Variants in FAM8A1 observed in about 807,000 individuals in gnomAD.
FAM8A1 encodes family with sequence similarity 8 member A1.
FAM8A1 carries 18 observed loss-of-function variants against 38.3 expected under a neutral mutation model. That is an observed-to-expected ratio of 0.47 (90% CI 0.33 to 0.70). FAM8A1 has a LOEUF of 0.70. Ranked by LOEUF, FAM8A1 falls within the 30% of genes least tolerant of loss-of-function variation. The probability of loss-of-function intolerance (pLI) is 0.03; values close to 1 mark genes in which losing one functional copy is unlikely to be tolerated. For missense variants in FAM8A1, 559 were observed against 559.6 expected (o/e 1.00, Z 0.01); for synonymous variants, 246 against 234.4 (o/e 1.05, Z -0.45).
chr6:17,601,205 G>GTA, intron 1 of FAM8A1, 84 bp downstream of exon 1: 1 of 1,478,296 alleles, frequency 6.8e-7, no homozygotes, highest in Non-Finnish European at 9.1e-7. Context: ...TTTTAGACCT[G>GTA]TAACTGCTGC....
intron 1 of FAM8A1, among the ~76,000 whole-genome samples, chr6:17,602,348 A>T (rs1763996299): frequency 6.6e-6 from 1 of 152,124 alleles, no homozygotes; most frequent in African/African-American, 2.4e-5. Flanking sequence ...TGTGAAATCA[A>T]TTTTTAAACG....
chr6:17,600,866 T>C lies in FAM8A1; in HGVS notation c.457T>C (p.Ser153Pro). The C allele has an allele frequency of 1.2e-6, 2 of 1,607,200 alleles. No homozygotes were observed. Among genetic ancestry groups the C allele is most frequent in the Non-Finnish European group, 1.7e-6 (2 of 1,178,764 alleles). ...SPQPSPQSFPSGGAAVPQAAA... is the reference protein window; with the variant it reads ...SPQPSPQSFPPGGAAVPQAAA... The stretch of plus-strand genomic sequence containing the variant: ...CCAGCCCTCCCCGCAGAGCTTCCCT[T>C]CGGGCGGCGCTGCAGTCCCCCAGGC... The change falls in exon 1 of 5, where the codon TCG (serine) becomes CCG (proline). Residue 153 changes from serine (S) to proline (P), a missense_variant. Physicochemically the swap from Ser to Pro is moderately conservative, Grantham distance 74. Coordinates refer to ENST00000259963, the MANE Select transcript of FAM8A1 (RefSeq NM_016255.3).
Position 17,608,739 on chromosome 6 carries a change from A to T in FAM8A1, c.*400A>T, listed in dbSNP as rs758845415. 3.9e-5 allele frequency: 6 copies of T among 153,648 alleles called. No homozygotes were observed. Among genetic ancestry groups the T allele is most frequent in the African/African-American group, 1.4e-4 (6 of 41,524 alleles). 9.5% of individuals were successfully genotyped at this position (153,648 alleles called of 1,614,324 possible). On this transcript the variant is annotated 3_prime_UTR_variant, in exon 5 of 5. Coordinates refer to ENST00000259963, the MANE Select transcript of FAM8A1 (RefSeq NM_016255.3). ...GTCCAGTTGTGTTTTGTAAACACCT[A>T]TGTAACTCATCTTTTAGTTTACACT... is the stretch of plus-strand genomic sequence containing the variant.
rs751216253 is a variant in FAM8A1 at position 17,602,653 on chromosome 6, T to C, written c.776T>C (p.Ile259Thr). The C allele has an allele frequency of 7.4e-6, 12 of 1,613,722 alleles. No homozygotes were observed. The highest frequency in any genetic ancestry group is 9.3e-6 in the Non-Finnish European group (11 of 1,179,852). The change falls in exon 2 of 5, where the codon ATT (isoleucine) becomes ACT (threonine). Residue 259 changes from isoleucine (I) to threonine (T), a missense_variant. Ile to Thr is a moderately conservative substitution (Grantham distance 89, BLOSUM62 -1). Around this residue, in one of 2 missense-constraint regions of FAM8A1, gnomAD observed 166 missense variants for 220.8 expected, o/e 0.75. Transcript: ENST00000259963. ...RFMAEMVDFF[I>T]LFFIKATIVL... Reference sequence around the variant, plus strand: ...ATGGCAGAGATGGTGGATTTCTTTATTCTCTTCTTTATAAAAGCAACCATT... The same window carrying C: ...ATGGCAGAGATGGTGGATTTCTTTACTCTCTTCTTTATAAAAGCAACCATT...
At chr6:17,607,302 C>T (rs1217912145) in intron 4 of FAM8A1, among the ~76,000 whole-genome samples, 4 of 150,766 alleles carry the variant, frequency 2.7e-5, no homozygotes, top group African/African-American at 9.8e-5. Context: ...TATAAACCTA[C>T]CTACTTCTTT....
Position 17,600,374 on chromosome 6 carries a change from G to C in FAM8A1, c.-36G>C. On this transcript the variant is annotated 5_prime_UTR_variant, in exon 1 of 5. Transcript: ENST00000259963. The stretch of plus-strand genomic sequence containing the variant: ...GCCATTGGGGGAGGGAAACGGAGCA[G>C]TGACAGGTATCCCAGAGGGTGCTGC... 7.4e-7 allele frequency: 1 copy of C among 1,358,048 alleles called. No individual in the cohort carries two copies. Among genetic ancestry groups the C allele is most frequent in the South Asian group, 1.8e-5 (1 of 54,324 alleles). 84.1% of individuals were successfully genotyped at this position (1,358,048 alleles called of 1,614,324 possible). A position where few individuals can be genotyped will look rare whatever the true frequency, so the allele number is the denominator to read the frequency against.
Position 17,611,276 on chromosome 6 carries a change from T to G in FAM8A1, c.*2937T>G, listed in dbSNP as rs969667337. 1 of 152,518 alleles carries G rather than the reference T, an allele frequency of 6.6e-6. No homozygotes were observed. Among genetic ancestry groups the G allele is most frequent in the African/African-American group, 2.4e-5 (1 of 41,454 alleles). The allele number at this position is 152,518 out of a possible 1,614,324, so 9.4% of individuals were successfully genotyped here. A position where few individuals can be genotyped will look rare whatever the true frequency, so the allele number is the denominator to read the frequency against. ...GTGACTTGAGTGTTTTAGTTATGCA[T>G]AAGTATTTCTAGCAAAGGAAGGGTA... On this transcript the variant is annotated 3_prime_UTR_variant, in exon 5 of 5. Transcript: ENST00000259963.
rs753126315 is a variant in FAM8A1, at chr6:17,600,942, T to G, written c.533T>G (p.Leu178Arg). Residue 178 changes from leucine (L) to arginine (R), a missense_variant, in exon 1 of 5, where the codon CTG becomes CGG. Around this residue, in one of 2 missense-constraint regions of FAM8A1, gnomAD observed 393 missense variants for 338.9 expected, o/e 1.16. Transcript: ENST00000259963. ...GGCTATTACAACCCCTTCTACTTCC[T>G]GAGCCCCGGGGCCGCGGGGCCTGAC... The part of the protein sequence containing the change: ...QLGYYNPFYF[L>R]SPGAAGPDPR... 6.3e-7 allele frequency: 1 copy of G among 1,592,590 alleles called. No individual in the cohort carries two copies. The highest frequency in any genetic ancestry group is 1.1e-5 in the South Asian group (1 of 89,568).
chr6:17,610,835 C>T lies in FAM8A1; in HGVS notation c.*2496C>T, dbSNP rs1478450833. ...CAATGAGCATGTCCCTAAGATAAAC[C>T]AGAATTGGCAGTTAATTTAGGCGTC... On this transcript the variant is annotated 3_prime_UTR_variant, in exon 5 of 5. Transcript: ENST00000259963. 6.6e-6 allele frequency: 1 copy of T among 151,998 alleles called. No homozygotes were observed. The highest frequency in any genetic ancestry group is 1.5e-5 in the Non-Finnish European group (1 of 67,964). The allele number at this position is 151,998 out of a possible 1,614,324, so 9.4% of individuals were successfully genotyped here.
rs1024067696 is a variant in FAM8A1 at position 17,610,681 on chromosome 6, G to A, written c.*2342G>A. 1 of 152,144 alleles carries A rather than the reference G, an allele frequency of 6.6e-6. No homozygotes were observed. Among genetic ancestry groups the A allele is most frequent in the African/African-American group, 2.4e-5 (1 of 41,438 alleles). The allele number at this position is 152,144 out of a possible 1,614,324, so 9.4% of individuals were successfully genotyped here. On this transcript the variant is annotated 3_prime_UTR_variant, in exon 5 of 5. Transcript: ENST00000259963. ...TATAGACCTGATTTTCTGTGTCAAA[G>A]TATAATTCTCATGCTGAAGCTGTAG... is the stretch of plus-strand genomic sequence containing the variant.
At position 17,605,749 on chromosome 6, in the gene FAM8A1, T is replaced by G. The variant is rs556371384; in HGVS notation, c.958-125T>G. 2.0e-5 allele frequency: 18 copies of G among 891,862 alleles called. No individual in the cohort carries two copies. In the Admixed American group the frequency reaches 3.6e-4, roughly 18 times the overall value. The allele number at this position is 891,862 out of a possible 1,614,324, so 55.2% of individuals were successfully genotyped here. A position where few individuals can be genotyped will look rare whatever the true frequency, so the allele number is the denominator to read the frequency against. On this transcript the variant is annotated intron_variant, in intron 3 of 4. Transcript: ENST00000259963. Reference sequence around the variant, plus strand: ...TGCATAAAGTTAAATGGTTAACTTTTGAGTATTCTATGCAATTCTTTCAAC... The same window carrying G: ...TGCATAAAGTTAAATGGTTAACTTTGGAGTATTCTATGCAATTCTTTCAAC...
In FAM8A1 at chr6:17,608,417, AT is replaced by A; in HGVS notation, c.*80del. On this transcript the variant is annotated 3_prime_UTR_variant, in exon 5 of 5. Transcript: ENST00000259963. ...CCATCAGTATCCCTGGGTTACACTA[AT>A]TGATGATTTAGAAATTAAAGCAGTC... 6.8e-7 allele frequency: 1 copy of A among 1,473,290 alleles called. No homozygotes were observed. Among genetic ancestry groups the A allele is most frequent in the African/African-American group, 1.4e-5 (1 of 70,528 alleles). The allele number at this position is 1,473,290 out of a possible 1,614,324, so 91.3% of individuals were successfully genotyped here. A position where few individuals can be genotyped will look rare whatever the true frequency, so the allele number is the denominator to read the frequency against.
chr6:17,607,451 G>A (rs1581641942), intron 4 of FAM8A1, among the ~76,000 whole-genome samples: 1 of 37,666 alleles, frequency 2.7e-5, no homozygotes, highest in Non-Finnish European at 6.5e-5. Flanking sequence ...AGTATCATAA[G>A]ATACTATAGG....
Position 17,600,814 on chromosome 6 carries a change from G to A in FAM8A1, c.405G>A (p.Leu135=), listed in dbSNP as rs1357821025. 4 of 1,610,824 alleles carry A rather than the reference G, an allele frequency of 2.5e-6. No homozygotes were observed. The highest frequency in any genetic ancestry group is 3.4e-6 in the Non-Finnish European group (4 of 1,179,682). ...GCTACCTCACCTGGCACAGCGGCCT[G>A]GCCGCCTTCCCAGCCTACTGCAGCC... The part of the protein sequence containing the change: ...YCGYLTWHSG[L]AAFPAYCSPQ... Residue 135 remains leucine, a synonymous_variant, in exon 1 of 5, where the codon CTG becomes CTA. Coordinates refer to ENST00000259963, the MANE Select transcript of FAM8A1 (RefSeq NM_016255.3).
At position 17,601,117 on chromosome 6, in the gene FAM8A1, G is replaced by A. The variant is rs929188046; in HGVS notation, c.708G>A (p.Gln236=). 2.1e-5 allele frequency: 33 copies of A among 1,590,258 alleles called. No individual in the cohort carries two copies. The South Asian group carries it at 3.6e-4, about 18-fold the overall frequency. ...PSRSPSETGR[Q]AGREYVIPSL... ...GAAGCCCGAGCGAGACCGGGCGACA[G>A]GCAGGTGAGAAGCGCGAGGTGGAGG... The change falls in exon 1 of 5, where the codon CAG becomes CAA. Residue 236 remains glutamine (Q), a synonymous_variant. Coordinates refer to ENST00000259963, the MANE Select transcript of FAM8A1 (RefSeq NM_016255.3).
chr6:17,602,084 G>A (rs986773819), intron 1 of FAM8A1, among the ~76,000 whole-genome samples: 13 of 152,230 alleles, frequency 8.5e-5, no homozygotes, highest in Admixed American at 8.5e-4. Flanking sequence ...AGCCTGGATA[G>A]TGCAGTGGCG....
At chr6:17,605,127 C>A in intron 3 of FAM8A1, 98 bp downstream of exon 3, 2 of 1,135,042 alleles carry the variant, frequency 1.8e-6, no homozygotes, top group South Asian at 1.3e-5. Flanking sequence ...GTCACCCAGG[C>A]TGGAGTGCAG....
In FAM8A1 at chr6:17,608,248, C is replaced by T. The variant is rs753155936; in HGVS notation, c.1151C>T (p.Ala384Val). 2 of 1,613,804 alleles carry T rather than the reference C, an allele frequency of 1.2e-6. No individual in the cohort carries two copies. Among genetic ancestry groups the T allele is most frequent in the Non-Finnish European group, 8.5e-7 (1 of 1,179,772 alleles). Residue 384 changes from alanine to valine, a missense_variant, in exon 5 of 5, where the codon GCT (alanine) becomes GTT (valine). Ala to Val is a moderately conservative substitution (Grantham distance 64, BLOSUM62 0). This residue lies in a region of FAM8A1 where 166 missense variants were observed against 220.8 expected (regional missense o/e 0.75). Coordinates refer to ENST00000259963, the MANE Select transcript of FAM8A1 (RefSeq NM_016255.3). Reference protein sequence around the residue: ...KNFSIASFFPAFITLLFFQHN... With the variant: ...KNFSIASFFPVFITLLFFQHN... ...TTTTCAATTGCTTCTTTTTTCCCTG[C>T]TTTCATCACACTGCTGTTTTTTCAG...
rs1387333231 is a variant in FAM8A1, at chr6:17,602,697, C to G, written c.820C>G (p.Leu274Val). The stretch of plus-strand genomic sequence containing the variant: ...AACCATTGTCTTAAGCATTATGCAC[C>G]TCAGTGGGATAAAGTAAGTTGAGGA... ...KATIVLSIMHLSGIKDISKFA... is the reference protein window; with the variant it reads ...KATIVLSIMHVSGIKDISKFA... Residue 274 changes from leucine (L) to valine (V), a missense_variant, in exon 2 of 5, where the codon CTC becomes GTC. This residue lies in a region of FAM8A1 where 166 missense variants were observed against 220.8 expected (regional missense o/e 0.75). Coordinates refer to ENST00000259963, the MANE Select transcript of FAM8A1 (RefSeq NM_016255.3). 1.9e-6 allele frequency: 3 copies of G among 1,606,266 alleles called. No homozygotes were observed. The highest frequency in any genetic ancestry group is 2.5e-6 in the Non-Finnish European group (3 of 1,178,122).
Sources: gnomAD v4.1 joint callset for allele counts (sites outside exome capture counted in the v4.1 genomes callset) on GRCh38, gnomAD v4.1.1 for gene constraint, gnomAD v4.1.1 regional missense constraint, MANE v1.5 for transcripts, NCBI Gene and HGNC (gene_info 2026-07-23, HGNC 2026-07-21) for gene names.